DYNC2H1: variants seen among roughly 807,000 people sequenced by gnomAD.
DYNC2H1 encodes the protein cytoplasmic dynein 2 heavy chain 1.
A neutral mutation model predicts 570.0 loss-of-function variants in DYNC2H1; 410 were observed. The ratio of observed to expected loss-of-function variants is 0.72; its 90% CI spans 0.66 to 0.78. DYNC2H1 has a LOEUF of 0.78. DYNC2H1 is among the 30% of genes least tolerant of loss of function. The probability of loss-of-function intolerance (pLI) is 0.00; values close to 1 mark genes in which losing one functional copy is unlikely to be tolerated. For synonymous variants in DYNC2H1, 1,688 were observed against 1,677.6 expected, an observed-to-expected ratio of 1.01 and a Z score of -0.15; for missense variants, 4,865 against 5,046.4, an observed-to-expected ratio of 0.96 and a Z score of 1.09.
At chr11:103,141,823 G>GAGGC in intron 17 of DYNC2H1, among the ~76,000 whole-genome samples, 4 of 152,344 alleles carry the variant, frequency 2.6e-5, no homozygotes, top group Admixed American at 2.6e-4. Flanking sequence ...GGAGCCTACA[G>GAGGC]AGGCAGGCAG....
intron 83 of DYNC2H1, among the ~76,000 whole-genome samples, chr11:103,371,187 C>T (rs918935989): frequency 4.6e-5 from 7 of 151,900 alleles, no homozygotes; most frequent in African/African-American, 1.7e-4. Flanking sequence ...GCATTCAAGC[C>T]TTTTGATAAC....
intron 83 of DYNC2H1, among the ~76,000 whole-genome samples, chr11:103,379,093 T>C (rs1941529459): frequency 1.3e-5 from 2 of 152,174 alleles, no homozygotes; most frequent in African/African-American, 2.4e-5. Context: ...ATATTGCTCT[T>C]TTTTAGCTCT....
chr11:103,345,443 A>G (rs966738829), intron 82 of DYNC2H1, among the ~76,000 whole-genome samples: 2 of 152,224 alleles, frequency 1.3e-5, no homozygotes, highest in Non-Finnish European at 2.9e-5. Flanking sequence ...TGCGAACAGT[A>G]TGTAATATCT....
intron 73 of DYNC2H1, among the ~76,000 whole-genome samples, chr11:103,285,230 A>C: frequency 6.6e-6 from 1 of 152,134 alleles, no homozygotes. Context: ...AGCATGGACA[A>C]GTGGGAATTT....
intron 32 of DYNC2H1, among the ~76,000 whole-genome samples, chr11:103,169,485 A>G (rs1256640753): frequency 1.3e-5 from 2 of 152,242 alleles, no homozygotes; most frequent in East Asian, 3.9e-4. Flanking sequence ...ATATTTGAAA[A>G]TATTGTTAAT....
chr11:103,187,194 A>G, intron 42 of DYNC2H1, 146 bp from the exon 43 acceptor site: 5 of 1,115,086 alleles, frequency 4.5e-6, no homozygotes, highest in Non-Finnish European at 6.2e-6. Context: ...TAGTTATGGA[A>G]GCCATATCTG....
Position 103,239,098 on chromosome 11 carries a change from G to A in DYNC2H1, c.9819+2559G>A, listed in dbSNP as rs1664819644. Among the ~76,000 whole-genome samples, 3 of 152,168 alleles carry A rather than the reference G, an allele frequency of 2.0e-5. No homozygotes were observed. Among genetic ancestry groups the A allele is most frequent in the Admixed American group, 1.3e-4 (2 of 15,262 alleles). ...GAAAAGCATCAAGAAAGGAAGTGGA[G>A]AAGATGACTAATTAAAATATCAGAT... On this transcript the variant is annotated intron_variant, in intron 63 of 88. Coordinates refer to ENST00000375735, the MANE Select transcript of DYNC2H1 (RefSeq NM_001377.3). The surrounding 1 kb of genome is among the most constrained non-coding windows in gnomAD (Gnocchi z 4.3).
At position 103,125,197 on chromosome 11, in the gene DYNC2H1, C is replaced by T. The variant is rs137853030; in HGVS notation, c.1759C>T (p.Arg587Cys). The change falls in exon 12 of 89, where the codon CGT (arginine) becomes TGT (cysteine). Residue 587 changes from arginine (R) to cysteine (C), a missense_variant. By Grantham distance (180) the Arg-to-Cys change is radical (BLOSUM62 -3). This residue lies in a region of DYNC2H1 where 1,936 missense variants were observed against 1,962.1 expected (regional missense o/e 0.99). Coordinates refer to ENST00000375735, the MANE Select transcript of DYNC2H1 (RefSeq NM_001377.3). ...TTTGGTGATTCTTCTGAGAGAAGTT[C>T]GTCAGCTCTCTGCACTTGGCTTTGT... ...DRLVILLREV[R>C]QLSALGFVIP... 2 of 1,613,334 alleles carry T rather than the reference C, an allele frequency of 1.2e-6. No homozygotes were observed. Among genetic ancestry groups the T allele is most frequent in the African/African-American group, 1.3e-5 (1 of 74,888 alleles).
At chr11:103,330,577 T>C (rs1938731716) in intron 82 of DYNC2H1, among the ~76,000 whole-genome samples, 1 of 91,130 alleles carries the variant, frequency 1.1e-5, no homozygotes, top group Non-Finnish European at 2.8e-5. Context: ...CTAACCTATT[T>C]TCATTAATAT....
intron 84 of DYNC2H1, among the ~76,000 whole-genome samples, chr11:103,432,822 A>T (rs566680570): frequency 1.3e-5 from 2 of 152,164 alleles, no homozygotes; most frequent in Non-Finnish European, 2.9e-5. Context: ...TGAGGACTAT[A>T]TGAGGTGGTG....
rs1864746596 is a variant in DYNC2H1, at chr11:103,249,425, C to A, written c.10043-3860C>A. 1.3e-5 allele frequency among the ~76,000 whole-genome samples: 2 copies of A among 151,830 alleles called. No homozygotes were observed. The highest frequency in any genetic ancestry group is 1.3e-4 in the Admixed American group (2 of 15,206). Reference sequence around the variant, plus strand: ...TAAATTTATAGCTAATGAATTTTTACAAATTGAATACACCTGTATAAACAC... The same window carrying A: ...TAAATTTATAGCTAATGAATTTTTAAAAATTGAATACACCTGTATAAACAC... On this transcript the variant is annotated intron_variant, in intron 65 of 88. Transcript: ENST00000375735. This position sits in a 1 kb window ranked among gnomAD's most constrained non-coding sequence, Gnocchi z 4.6.
At position 103,275,286 on chromosome 11, in the gene DYNC2H1, A is replaced by G. The variant is rs143940992; in HGVS notation, c.10696-5062A>G. Among the ~76,000 whole-genome samples the G allele has an allele frequency of 3.3e-5, 5 of 152,252 alleles. No individual in the cohort carries two copies. Among genetic ancestry groups the G allele is most frequent in the African/African-American group, 1.2e-4 (5 of 41,568 alleles). On this transcript the variant is annotated intron_variant, in intron 70 of 88. Transcript: ENST00000375735. The surrounding 1 kb of genome is among the most constrained non-coding windows in gnomAD (Gnocchi z 4.8). ...CTCCACATACTGTACAGCCTCTTTC[A>G]CTATCAAAATCCTGCACCAGAGTGG... is the stretch of plus-strand genomic sequence containing the variant.
chr11:103,385,247 CTT>C (rs552198444), intron 83 of DYNC2H1, among the ~76,000 whole-genome samples: 154 of 152,096 alleles, frequency 1.0e-3, no homozygotes, highest in African/African-American at 3.5e-3. Flanking sequence ...CTGAGTTACT[CTT>C]TAAATTTTGA....
chr11:103,258,677 A>G (rs1481637306), intron 69 of DYNC2H1, among the ~76,000 whole-genome samples: 1 of 152,210 alleles, frequency 6.6e-6, no homozygotes, highest in African/African-American at 2.4e-5. Flanking sequence ...TTTTAGCTCA[A>G]GGCACTAAGT....
At chr11:103,371,914 C>G (rs1289941741) in intron 83 of DYNC2H1, among the ~76,000 whole-genome samples, 1 of 90,900 alleles carries the variant, frequency 1.1e-5, no homozygotes. Context: ...TGGTTTCTTC[C>G]TTTCCCATTT....
chr11:103,138,721 G>A (rs902274394), intron 17 of DYNC2H1, among the ~76,000 whole-genome samples: 8 of 152,198 alleles, frequency 5.3e-5, no homozygotes, highest in Non-Finnish European at 8.8e-5. Context: ...GATGACACTG[G>A]CCTCATAAAA....
At chr11:103,262,482 A>G (rs1271871426) in intron 70 of DYNC2H1, among the ~76,000 whole-genome samples, 1 of 152,228 alleles carries the variant, frequency 6.6e-6, no homozygotes, top group Non-Finnish European at 1.5e-5. Flanking sequence ...AGGGAAGCCC[A>G]TCAGACTAAC....
chr11:103,159,096 T>C, intron 28 of DYNC2H1, 69 bp downstream of exon 28: 1 of 1,243,392 alleles, frequency 8.0e-7, no homozygotes, highest in Non-Finnish European at 1.1e-6. Context: ...AATATTATGC[T>C]CTTAGGTAGA....
At position 103,321,915 on chromosome 11, in the gene DYNC2H1, G is replaced by A. The variant is rs186013160; in HGVS notation, c.11934+678G>A. On this transcript the variant is annotated intron_variant, in intron 81 of 88. Coordinates refer to ENST00000375735, the MANE Select transcript of DYNC2H1 (RefSeq NM_001377.3). ...TATACATTTCTTCATGAATTACAAA[G>A]GCATATATCTATTCAATTATGTAGT... is the stretch of plus-strand genomic sequence containing the variant. 4.3e-3 allele frequency among the ~76,000 whole-genome samples: 646 copies of A among 151,964 alleles called. 3 individuals are homozygous for A. Among genetic ancestry groups the A allele is most frequent in the African/African-American group, 0.015 (601 of 41,444 alleles).
Sources: gnomAD v4.1 joint callset for allele counts (sites outside exome capture counted in the v4.1 genomes callset) on GRCh38, gnomAD v4.1.1 for gene constraint, gnomAD v4.1.1 regional missense constraint, Gnocchi (gnomAD v3.1) non-coding constraint, MANE v1.5 for transcripts, NCBI Gene and HGNC (gene_info 2026-07-23, HGNC 2026-07-21) for gene names.